KIAA1549L: variants seen among roughly 807,000 people sequenced by gnomAD.
KIAA1549L encodes KIAA1549 like.
A neutral mutation model predicts 160.7 loss-of-function variants in KIAA1549L; 88 were observed. The ratio of observed to expected loss-of-function variants is 0.55; its 90% confidence interval spans 0.46 to 0.65. KIAA1549L has a LOEUF of 0.65. KIAA1549L is among the 30% of genes least tolerant of loss of function. The probability of loss-of-function intolerance (pLI) is 0.00; values close to 1 mark genes in which losing one functional copy is unlikely to be tolerated. For missense variants in KIAA1549L, 2,258 were observed against 2,437.5 expected, an observed-to-expected ratio of 0.93 and a Z score of 1.55; for synonymous variants, 950 against 976.7, an observed-to-expected ratio of 0.97 and a Z score of 0.51.
chr11:33,462,455 A>T (rs942764662), intron 1 of KIAA1549L, among the ~76,000 whole-genome samples: 31 of 152,348 alleles, frequency 2.0e-4, no homozygotes, highest in African/African-American at 6.7e-4. Flanking sequence ...TGTGCAGATA[A>T]AAGTTTAGGT....
At chr11:33,432,548 T>A (rs1402279503) in intron 1 of KIAA1549L, among the ~76,000 whole-genome samples, 2 of 152,204 alleles carry the variant, frequency 1.3e-5, no homozygotes, top group African/African-American at 4.8e-5. Flanking sequence ...GCTGCTGAGA[T>A]TCTGAAGGGA....
intron 1 of KIAA1549L, among the ~76,000 whole-genome samples, chr11:33,446,183 C>T (rs1239837588): frequency 6.6e-6 from 1 of 151,860 alleles, no homozygotes; most frequent in Non-Finnish European, 1.5e-5. Flanking sequence ...CAACCTCCGC[C>T]TCCCAGGCTC....
chr11:33,400,524 C>G (rs1850477652), intron 1 of KIAA1549L, among the ~76,000 whole-genome samples: 1 of 152,202 alleles, frequency 6.6e-6, no homozygotes, highest in African/African-American at 2.4e-5. Context: ...GTGGGAACTT[C>G]TGAGTCATTG....
intron 1 of KIAA1549L, among the ~76,000 whole-genome samples, chr11:33,510,124 G>A (rs1853190343): frequency 6.6e-6 from 1 of 152,080 alleles, no homozygotes; most frequent in Admixed American, 6.5e-5. Flanking sequence ...TTAGAGCAGG[G>A]CAGGATCTCT....
In KIAA1549L at chr11:33,591,365, C is replaced by T. The variant is rs770390105; in HGVS notation, c.4695C>T (p.Asp1565=). Residue 1565 remains aspartate (D), a synonymous_variant, in exon 12 of 21, where the codon GAC becomes GAT. Transcript: ENST00000658780. ...TTAGAGATGCTCCTCAGGAAAGAGACGTCGCTCAGGATGGAAGCACCATCA... is the reference window on the plus strand; with the variant it reads ...TTAGAGATGCTCCTCAGGAAAGAGATGTCGCTCAGGATGGAAGCACCATCA... The part of the protein sequence containing the change: ...LPIRDAPQER[D]VAQDGSTIKT... The T allele has an allele frequency of 1.4e-5, 23 of 1,613,386 alleles. No homozygotes were observed. The highest frequency in any genetic ancestry group is 3.3e-5 in the South Asian group (3 of 91,032).
intron 1 of KIAA1549L, among the ~76,000 whole-genome samples, chr11:33,529,935 G>T (rs1038211413): frequency 1.3e-5 from 2 of 152,076 alleles, no homozygotes; most frequent in Non-Finnish European, 2.9e-5. Flanking sequence ...ATGGTGTGAA[G>T]CCCTAGTAAG....
At chr11:33,541,252 T>C (rs1394615370) in intron 1 of KIAA1549L, among the ~76,000 whole-genome samples, 1 of 152,232 alleles carries the variant, frequency 6.6e-6, no homozygotes, top group African/African-American at 2.4e-5. Flanking sequence ...AAAATCTCCT[T>C]TGCTATTTGA....
chr11:33,433,622 A>C (rs1590241043), intron 1 of KIAA1549L, among the ~76,000 whole-genome samples: 1 of 152,258 alleles, frequency 6.6e-6, no homozygotes, highest in African/African-American at 2.4e-5. Context: ...TCATTCTGCT[A>C]TAAAGACACA....
At chr11:33,559,521 G>A (rs1854766945) in intron 6 of KIAA1549L, among the ~76,000 whole-genome samples, 1 of 152,128 alleles carries the variant, frequency 6.6e-6, no homozygotes, top group South Asian at 2.1e-4. Context: ...ATCTCCCAGG[G>A]TTGTGGTAAG....
intron 8 of KIAA1549L, among the ~76,000 whole-genome samples, chr11:33,563,678 A>G (rs1007070207): frequency 9.9e-5 from 15 of 152,220 alleles, no homozygotes; most frequent in Non-Finnish European, 1.8e-4. Context: ...AGGCAAACAA[A>G]AAAACCAACC....
intron 4 of KIAA1549L, 122 bp from the exon 5 acceptor site, chr11:33,550,918 T>A: frequency 1.2e-6 from 1 of 805,262 alleles, no homozygotes; most frequent in East Asian, 2.5e-5. Context: ...GAATATTTGT[T>A]GAACGAGAAC....
chr11:33,620,280 T>A (rs1341358608), intron 16 of KIAA1549L, among the ~76,000 whole-genome samples: 1 of 152,222 alleles, frequency 6.6e-6, no homozygotes, highest in Non-Finnish European at 1.5e-5. Context: ...AAGTACATGT[T>A]ACTTTAGGGG....
chr11:33,545,815 A>G (rs138311314), intron 3 of KIAA1549L, among the ~76,000 whole-genome samples: 16 of 152,336 alleles, frequency 1.1e-4, no homozygotes, highest in East Asian at 1.9e-4. Context: ...TTTTGCATCA[A>G]TGATGTCTCA....
chr11:33,667,855 T>G lies in KIAA1549L; in HGVS notation c.6160-18T>G. ...CCTCATGCCAGGCCCTGTCCTTCTCTCCCCACGCCCTCTGCAGGTGCCCCT... is the reference window on the plus strand; with the variant it reads ...CCTCATGCCAGGCCCTGTCCTTCTCGCCCCACGCCCTCTGCAGGTGCCCCT... On this transcript the variant is annotated intron_variant, in intron 20 of 20. Coordinates refer to ENST00000658780, the MANE Select transcript of KIAA1549L (RefSeq NM_012194.3). The G allele has an allele frequency of 6.3e-7, 1 of 1,596,842 alleles. No individual in the cohort carries two copies. The highest frequency in any genetic ancestry group is 1.3e-5 in the African/African-American group (1 of 74,536).
intron 1 of KIAA1549L, among the ~76,000 whole-genome samples, chr11:33,508,174 T>TA (rs1395677402): frequency 6.6e-6 from 1 of 152,236 alleles, no homozygotes; most frequent in African/African-American, 2.4e-5. Context: ...AATTCCCACA[T>TA]AAAACCTCTG....
At chr11:33,532,036 C>T (rs1019538285) in intron 1 of KIAA1549L, among the ~76,000 whole-genome samples, 3 of 152,190 alleles carry the variant, frequency 2.0e-5, no homozygotes, top group African/African-American at 7.2e-5. Context: ...GGAAGACTGA[C>T]TCCTTCCCAC....
chr11:33,464,505 T>TGTGTGTGTGTGTGTGTGC (rs1852006203), intron 1 of KIAA1549L, among the ~76,000 whole-genome samples: 1 of 146,396 alleles, frequency 6.8e-6, no homozygotes, highest in African/African-American at 2.5e-5. Context: ...TGTGTGTGTG[T>TGTGTGTGTGTGTGTGTGC]GTGTGTGCGT....
In KIAA1549L at chr11:33,575,777, A is replaced by G. The variant is rs532209899; in HGVS notation, c.4402+904A>G. ...CCAAGTGTGCTTGAAAAATGAGTTC[A>G]GATTGCCTGGGGTGCTGACACCCAT... On this transcript the variant is annotated intron_variant, in intron 10 of 20. Coordinates refer to ENST00000658780, the MANE Select transcript of KIAA1549L (RefSeq NM_012194.3). Among the ~76,000 whole-genome samples the G allele has an allele frequency of 1.4e-4, 22 of 152,300 alleles. No homozygotes were observed. In the South Asian group the frequency reaches 3.1e-3, roughly 22 times the overall value.
intron 13 of KIAA1549L, among the ~76,000 whole-genome samples, chr11:33,603,132 C>T (rs954167694): frequency 2.0e-5 from 3 of 152,018 alleles, no homozygotes; most frequent in Admixed American, 6.6e-5. Flanking sequence ...ATCTCCTTTT[C>T]CAAGTCAGGG....
Sources: gnomAD v4.1 joint callset for allele counts (sites outside exome capture counted in the v4.1 genomes callset) on GRCh38, gnomAD v4.1.1 for gene constraint, MANE v1.5 for transcripts, NCBI Gene and HGNC (gene_info 2026-07-23, HGNC 2026-07-21) for gene names.